The following SHANK2 variants were observed in gnomAD, a reference collection of about 807,000 sequenced individuals.
SHANK2 encodes SH3 and multiple ankyrin repeat domains 2.
SHANK2 carries 43 observed loss-of-function variants against 133.7 expected under a neutral mutation model. The observed-to-expected ratio is 0.32, with a 90% CI of 0.25 to 0.41. The LOEUF is 0.41. SHANK2 is among the 10% of genes least tolerant of loss of function. SHANK2 has a pLI of 1.00. For missense variants in SHANK2, 1,994 were observed against 2,235.8 expected, an observed-to-expected ratio of 0.89 and a Z score of 2.18; for synonymous variants, 1,017 against 952.8, an observed-to-expected ratio of 1.07 and a Z score of -1.24.
At chr11:71,252,858 C>A (rs372297477), upstream of SHANK2, among the ~76,000 whole-genome samples, 14 of 152,218 alleles carry the variant, frequency 9.2e-5, no homozygotes, top group South Asian at 1.0e-3. The surrounding 1 kb of genome is among the most constrained non-coding windows in gnomAD (Gnocchi z 6.3). Context: ...GGACCTCCCC[C>A]TCCCTGGCCA....
intron 17 of SHANK2, among the ~76,000 whole-genome samples, chr11:70,610,874 T>C (rs1167314895): frequency 1.3e-5 from 2 of 152,182 alleles, no homozygotes; most frequent in Non-Finnish European, 2.9e-5. Flanking sequence ...ATGACGGAAA[T>C]CTTTCTGAGC....
At chr11:70,533,553 G>A (rs540747001) in intron 17 of SHANK2, among the ~76,000 whole-genome samples, 14 of 152,298 alleles carry the variant, frequency 9.2e-5, no homozygotes, top group South Asian at 4.1e-4. Context: ...CTTGCCTGGC[G>A]TTCCCTCTGC....
chr11:71,156,881 C>G (rs1388610086), intron 2 of SHANK2, among the ~76,000 whole-genome samples: 1 of 152,186 alleles, frequency 6.6e-6, no homozygotes, highest in Non-Finnish European at 1.5e-5. Context: ...TGCCCATAGT[C>G]CCTTCCTTGC....
intron 2 of SHANK2, among the ~76,000 whole-genome samples, chr11:71,209,876 G>A (rs1954217851): frequency 6.6e-6 from 1 of 152,038 alleles, no homozygotes; most frequent in Non-Finnish European, 1.5e-5. Flanking sequence ...GGGCTCTCTG[G>A]GACAGCAGGA....
chr11:71,172,866 A>G (rs1953347455), intron 2 of SHANK2, among the ~76,000 whole-genome samples: 2 of 152,228 alleles, frequency 1.3e-5, no homozygotes, highest in South Asian at 4.1e-4. Context: ...AGGTACACAC[A>G]CAGTGACTGA....
chr11:70,591,926 G>C (rs968959193), intron 17 of SHANK2, among the ~76,000 whole-genome samples: 2 of 152,062 alleles, frequency 1.3e-5, no homozygotes, highest in Non-Finnish European at 2.9e-5. Flanking sequence ...GGCTGAGGCA[G>C]GAGAACCGCT....
At chr11:70,779,111 T>C (rs1947429759) in intron 14 of SHANK2, among the ~76,000 whole-genome samples, 1 of 151,964 alleles carries the variant, frequency 6.6e-6, no homozygotes, top group Non-Finnish European at 1.5e-5. Flanking sequence ...CAAAGGAACC[T>C]GAAATAACAC....
chr11:70,783,422 G>C (rs760094131), intron 14 of SHANK2, among the ~76,000 whole-genome samples: 2 of 152,116 alleles, frequency 1.3e-5, no homozygotes, highest in Non-Finnish European at 2.9e-5. Flanking sequence ...CAAATCCCCA[G>C]TGAACGACCT....
chr11:70,623,985 T>C (rs1213730218), intron 17 of SHANK2, among the ~76,000 whole-genome samples: 7 of 152,098 alleles, frequency 4.6e-5, no homozygotes, highest in Non-Finnish European at 7.4e-5. Flanking sequence ...AACTCAGGGC[T>C]AAGGGTGCGC....
At chr11:70,613,492 C>T (rs1165390814) in intron 17 of SHANK2, among the ~76,000 whole-genome samples, 2 of 152,058 alleles carry the variant, frequency 1.3e-5, no homozygotes, top group African/African-American at 2.4e-5. Flanking sequence ...CATGAGCCGC[C>T]GCACCCGGCC....
chr11:70,859,880 A>T (rs1415598916), intron 11 of SHANK2, among the ~76,000 whole-genome samples: 1 of 152,104 alleles, frequency 6.6e-6, no homozygotes, highest in Non-Finnish European at 1.5e-5. Context: ...GGAGCACCGC[A>T]CCTCCAGGGA....
chr11:70,634,889 G>A (rs1014555560), intron 17 of SHANK2: 2 of 152,278 alleles, frequency 1.3e-5, no homozygotes, highest in East Asian at 1.9e-4. Context: ...ATGGGTAAAG[G>A]ACTTGAATAG....
intron 1 of SHANK2, among the ~76,000 whole-genome samples, chr11:71,246,907 T>C (rs1017316995): frequency 6.6e-6 from 1 of 152,182 alleles, no homozygotes; most frequent in Admixed American, 6.5e-5. Flanking sequence ...AAATCTGTAA[T>C]ATATTTATAG....
At chr11:70,709,791 A>G (rs956916216) in intron 14 of SHANK2, among the ~76,000 whole-genome samples, 6 of 151,830 alleles carry the variant, frequency 4.0e-5, no homozygotes, top group African/African-American at 1.5e-4. Context: ...AGCCCTGGCG[A>G]GCGAGTCCAT....
intron 15 of SHANK2, among the ~76,000 whole-genome samples, chr11:70,674,865 G>C (rs782218113): frequency 3.3e-5 from 5 of 152,242 alleles, no homozygotes. Flanking sequence ...GGCCAGATTT[G>C]GCCTGTGGGC....
intron 6 of SHANK2, among the ~76,000 whole-genome samples, chr11:71,098,044 G>C (rs1463578151): frequency 6.7e-6 from 1 of 149,530 alleles, no homozygotes; most frequent in Non-Finnish European, 1.5e-5. Flanking sequence ...GTGTGTGCAT[G>C]TGTGCATGCC....
At chr11:70,576,978 G>A (rs1251420278) in intron 17 of SHANK2, among the ~76,000 whole-genome samples, 2 of 152,198 alleles carry the variant, frequency 1.3e-5, no homozygotes, top group African/African-American at 4.8e-5. Context: ...GTTAGCGGAA[G>A]GGGTGGCCAG....
At chr11:70,691,580 T>C (rs1555021058) in intron 15 of SHANK2, among the ~76,000 whole-genome samples, 1 of 152,118 alleles carries the variant, frequency 6.6e-6, no homozygotes, top group Non-Finnish European at 1.5e-5. Flanking sequence ...AAAAGAACTA[T>C]ATACTTGCAA....
intron 2 of SHANK2, among the ~76,000 whole-genome samples, chr11:71,166,256 G>A (rs1466571803): frequency 6.6e-6 from 1 of 152,204 alleles, no homozygotes; most frequent in East Asian, 1.9e-4. Flanking sequence ...TAGTCTGTGG[G>A]CTGTGCCACA....
Sources: allele counts gnomAD v4.1 joint callset (sites outside exome capture counted in the v4.1 genomes callset), GRCh38; gene constraint gnomAD v4.1.1; non-coding constraint Gnocchi (gnomAD v3.1); transcripts MANE v1.5; gene names NCBI Gene and HGNC (gene_info 2026-07-23, HGNC 2026-07-21).